Variants in RBMS3 observed in about 807,000 individuals in gnomAD.
RBMS3 encodes RNA-binding motif, single-stranded-interacting protein 3.
Under a neutral mutation model 66.8 loss-of-function variants are expected in RBMS3, and 27 were observed. The ratio of observed to expected loss-of-function variants is 0.40; its 90% confidence interval spans 0.30 to 0.56. RBMS3 has a LOEUF of 0.56. Among genes scored for constraint, RBMS3 ranks in the 20% least tolerant of loss-of-function variants. The pLI, the probability that RBMS3 is intolerant of heterozygous loss-of-function variation, is 0.40. For missense variants in RBMS3, 513 were observed against 549.5 expected, an observed-to-expected ratio of 0.93 and a Z score of 0.66; for synonymous variants, 188 against 183.0, an observed-to-expected ratio of 1.03 and a Z score of -0.22.
At chr3:29,684,689 T>C (rs556334212) in intron 4 of RBMS3, among the ~76,000 whole-genome samples, 1 of 152,154 alleles carries the variant, frequency 6.6e-6, no homozygotes, top group Non-Finnish European at 1.5e-5. Context: ...CTATTTATTT[T>C]GCCATCAGAA....
chr3:29,714,300 A>G (rs935061044), intron 4 of RBMS3, among the ~76,000 whole-genome samples: 13 of 152,218 alleles, frequency 8.5e-5, no homozygotes, highest in African/African-American at 3.1e-4. Context: ...ATTTATTTGA[A>G]TATGAAATAT....
intron 6 of RBMS3, among the ~76,000 whole-genome samples, chr3:29,860,262 T>C (rs2149533332): frequency 6.6e-6 from 1 of 152,344 alleles, no homozygotes; most frequent in South Asian, 2.1e-4. Flanking sequence ...CAACATCAGG[T>C]CTAGATGGCC....
At chr3:29,843,873 G>T (rs117331737) in intron 6 of RBMS3, among the ~76,000 whole-genome samples, 1 of 151,872 alleles carries the variant, frequency 6.6e-6, no homozygotes, top group East Asian at 1.9e-4. Context: ...CACTTGAACC[G>T]GGAAGCGGGC....
At chr3:29,339,669 C>T (rs924413451) in intron 1 of RBMS3, among the ~76,000 whole-genome samples, 2 of 151,728 alleles carry the variant, frequency 1.3e-5, no homozygotes, top group Admixed American at 6.6e-5. Flanking sequence ...TAAGCAGTTG[C>T]CTCACAAGTA....
intron 6 of RBMS3, among the ~76,000 whole-genome samples, chr3:29,763,888 T>C (rs1203258743): frequency 6.6e-6 from 1 of 152,112 alleles, no homozygotes; most frequent in Non-Finnish European, 1.5e-5. Context: ...TATACAGTTA[T>C]TCTCAGAGGA....
intron 1 of RBMS3, among the ~76,000 whole-genome samples, chr3:29,335,532 T>G (rs944885349): frequency 3.3e-5 from 5 of 152,194 alleles, no homozygotes; most frequent in African/African-American, 1.2e-4. Context: ...ACACAGCAAA[T>G]GTGCTTAAAG....
intron 5 of RBMS3, among the ~76,000 whole-genome samples, chr3:29,754,861 G>T (rs150379017): frequency 1.8e-4 from 27 of 152,298 alleles, no homozygotes; most frequent in African/African-American, 6.5e-4. Context: ...TGAAGATAAT[G>T]AGTGAGAAAG....
intron 14 of RBMS3, among the ~76,000 whole-genome samples, chr3:29,994,044 C>CAG (rs1264397964): frequency 1.5e-5 from 2 of 136,634 alleles, no homozygotes; most frequent in African/African-American, 5.9e-5. Flanking sequence ...TAGGGAGTGC[C>CAG]AGACTGGGCG....
chr3:29,894,748 T>A (rs1281185851), intron 8 of RBMS3, among the ~76,000 whole-genome samples: 1 of 151,470 alleles, frequency 6.6e-6, no homozygotes, highest in Non-Finnish European at 1.5e-5. Context: ...TATACAAATA[T>A]ATCAAGAGAA....
Position 29,779,348 on chromosome 3 carries a change from G to C in RBMS3, c.637+16359G>C, listed in dbSNP as rs145943704. On this transcript the variant is annotated intron_variant, in intron 6 of 14. Transcript: ENST00000383767. ...ATATAAAGCATAAGAGCTATGTCTA[G>C]AAGAAAAGGCACACTATTAAAAAGC... 6.9e-3 allele frequency among the ~76,000 whole-genome samples: 1,048 copies of C among 151,396 alleles called. 9 individuals carry two copies. Among genetic ancestry groups the C allele is most frequent in the African/African-American group, 0.023 (970 of 41,336 alleles).
intron 1 of RBMS3, among the ~76,000 whole-genome samples, chr3:29,381,322 G>T (rs2038756382): frequency 6.6e-6 from 1 of 152,120 alleles, no homozygotes; most frequent in African/African-American, 2.4e-5. Context: ...CATCCTACCT[G>T]GTCAAGTGGT....
At chr3:29,299,951 G>C (rs1476609125) in intron 1 of RBMS3, among the ~76,000 whole-genome samples, 4 of 151,496 alleles carry the variant, frequency 2.6e-5, no homozygotes, top group Non-Finnish European at 5.9e-5. Context: ...TAATATCCTA[G>C]ATATAAAATT....
chr3:29,651,086 A>G (rs2050129006), intron 4 of RBMS3, among the ~76,000 whole-genome samples: 1 of 152,188 alleles, frequency 6.6e-6, no homozygotes, highest in Non-Finnish European at 1.5e-5. Context: ...TAGGCCATCA[A>G]GCTGTCACAT....
chr3:29,713,011 T>C (rs2053239340), intron 4 of RBMS3, among the ~76,000 whole-genome samples: 1 of 152,188 alleles, frequency 6.6e-6, no homozygotes, highest in African/African-American at 2.4e-5. Context: ...GTTCTGGTTC[T>C]CAGGAGAACC....
chr3:29,352,035 T>G (rs1324077945), intron 1 of RBMS3, among the ~76,000 whole-genome samples: 1 of 152,074 alleles, frequency 6.6e-6, no homozygotes, highest in East Asian at 1.9e-4. Context: ...CATTATGGAT[T>G]TAATTCTCAT....
chr3:29,388,696 G>A (rs2039129736), intron 1 of RBMS3, among the ~76,000 whole-genome samples: 1 of 152,270 alleles, frequency 6.6e-6, no homozygotes, highest in East Asian at 1.9e-4. Context: ...CTCCCGAGTA[G>A]CTGGGACTAC....
chr3:29,850,667 T>G (rs1279160650), intron 6 of RBMS3, among the ~76,000 whole-genome samples: 1 of 152,208 alleles, frequency 6.6e-6, no homozygotes, highest in African/African-American at 2.4e-5. Flanking sequence ...CTTTTAAATA[T>G]GAAAACATGT....
intron 1 of RBMS3, among the ~76,000 whole-genome samples, chr3:29,369,487 AACACACACACACACACACACACAC>A (rs59274434): frequency 1.5e-5 from 2 of 135,270 alleles, no homozygotes; most frequent in East Asian, 2.4e-4. Context: ...ATCACTCCTT[AACACACACACACACACACACACAC>A]ACACACACAC....
chr3:29,692,155 T>C (rs1014177362), intron 4 of RBMS3, among the ~76,000 whole-genome samples: 28 of 151,782 alleles, frequency 1.8e-4, no homozygotes, highest in African/African-American at 6.8e-4. Flanking sequence ...CTAACTTTTG[T>C]ATTTTTAGTA....
Sources: gnomAD v4.1 joint callset for allele counts (sites outside exome capture counted in the v4.1 genomes callset) on GRCh38, gnomAD v4.1.1 for gene constraint, MANE v1.5 for transcripts, NCBI Gene and HGNC (gene_info 2026-07-23, HGNC 2026-07-21) for gene names.